GGACT: variants seen among roughly 807,000 people sequenced by gnomAD.
GGACT encodes the protein gamma-glutamylamine cyclotransferase.
For missense variants in GGACT, 241 were observed against 233.2 expected (o/e 1.03, Z -0.22); for synonymous variants, 118 against 115.3 (o/e 1.02, Z -0.15).
At chr13:100,548,031 C>T (rs900388760) in intron 2 of GGACT, among the ~76,000 whole-genome samples, 3 of 152,228 alleles carry the variant, frequency 2.0e-5, no homozygotes, top group African/African-American at 7.2e-5. Context: ...CCGGGAAAAG[C>T]CAAGAATCTG....
intron 2 of GGACT, chr13:100,541,604 T>G (rs769762845): frequency 1.3e-5 from 2 of 152,182 alleles, no homozygotes; most frequent in Non-Finnish European, 2.9e-5. Context: ...GAACACATTA[T>G]AAGTGGGAGA....
intron 2 of GGACT, chr13:100,537,581 A>G (rs1180508133): frequency 6.6e-6 from 1 of 152,320 alleles, no homozygotes; most frequent in African/African-American, 2.4e-5. Flanking sequence ...TGGGCATGCA[A>G]TGAGACTCCA....
At chr13:100,543,197 CTTTTTTTT>C (rs147710327) in intron 2 of GGACT, among the ~76,000 whole-genome samples, 1,251 of 69,830 alleles carry the variant, frequency 0.018, 12 homozygotes, top group African/African-American at 0.055. Context: ...AAGACACCAG[CTTTTTTTT>C]TTTTTTTTTT....
At chr13:100,570,173 A>G (rs1166166751) in intron 2 of GGACT, among the ~76,000 whole-genome samples, 1 of 152,046 alleles carries the variant, frequency 6.6e-6, no homozygotes, top group Non-Finnish European at 1.5e-5. Context: ...AGTGGTTTCC[A>G]CATTTTTGGG....
intron 2 of GGACT, among the ~76,000 whole-genome samples, chr13:100,564,938 A>G (rs866273091): frequency 1.3e-5 from 2 of 152,214 alleles, no homozygotes; most frequent in Non-Finnish European, 2.9e-5. Context: ...CCAGACCGCT[A>G]CTATTCCCAG....
rs77789514 is a variant in GGACT at position 100,552,258 on chromosome 13, C to T, written c.-10-19657G>A. On this transcript the variant is annotated intron_variant, in intron 2 of 2. Coordinates refer to ENST00000683975, the MANE Select transcript of GGACT (RefSeq NM_001195087.2). ...AGGAATTCACAAACTGGGCCTCCAA[C>T]AGCCCCGTGACGAGGCAGGTGTTAC... Among the ~76,000 whole-genome samples the T allele has an allele frequency of 1.9e-4, 29 of 152,340 alleles. 1 individual carries two copies. In the East Asian group the frequency reaches 5.6e-3, roughly 29 times the overall value.
chr13:100,587,445 G>T (rs894417915), intron 1 of GGACT, among the ~76,000 whole-genome samples: 5 of 152,148 alleles, frequency 3.3e-5, no homozygotes, highest in African/African-American at 1.2e-4. Context: ...TTTACAATAC[G>T]AATCTCTGCT....
intron 2 of GGACT, among the ~76,000 whole-genome samples, chr13:100,560,741 T>A (rs1389622893): frequency 2.0e-5 from 3 of 152,244 alleles, no homozygotes; most frequent in African/African-American, 7.2e-5. Flanking sequence ...TTCCATTCCC[T>A]CACATAATCT....
rs1350739004 is a variant in GGACT at position 100,546,000 on chromosome 13, C to A, written c.-10-13399G>T. On this transcript the variant is annotated intron_variant, in intron 2 of 2. Coordinates refer to ENST00000683975, the MANE Select transcript of GGACT (RefSeq NM_001195087.2). This position sits in a 1 kb window ranked among gnomAD's most constrained non-coding sequence, Gnocchi z 4.4. ...TTCCTCCATCATCAGTAGGTGAAGG[C>A]AGACAGTGTTGATAGAATATGTGCA... 6.6e-6 allele frequency among the ~76,000 whole-genome samples: 1 copy of A among 152,204 alleles called. No homozygotes were observed. The highest frequency in any genetic ancestry group is 2.1e-4 in the South Asian group (1 of 4,830).
intron 2 of GGACT, among the ~76,000 whole-genome samples, chr13:100,577,824 T>C (rs1875297475): frequency 6.7e-6 from 1 of 149,404 alleles, no homozygotes; most frequent in Admixed American, 6.7e-5. Flanking sequence ...TAGGGAGGGA[T>C]GAAGGGGAGA....
At position 100,577,416 on chromosome 13, in the gene GGACT, C is replaced by CAAAAAA. The variant is rs1246035632; in HGVS notation, c.-11+6408_-11+6409insTTTTTT. On this transcript the variant is annotated intron_variant, in intron 2 of 2. Coordinates refer to ENST00000683975, the MANE Select transcript of GGACT (RefSeq NM_001195087.2). ...GGGTGACAAGAGCGAGACTCCATCT[C>CAAAAAA]AAAAATAAATAAATAAATAAATAAA... Among the ~76,000 whole-genome samples the CAAAAAA allele has an allele frequency of 5.8e-3, 174 of 30,144 alleles. 2 individuals are homozygous for CAAAAAA. Among genetic ancestry groups the CAAAAAA allele is most frequent in the African/African-American group, 0.01 (163 of 16,280 alleles). The allele number at this position is 30,144 out of a possible 152,430, so 19.8% of individuals were successfully genotyped here.
intron 2 of GGACT, among the ~76,000 whole-genome samples, chr13:100,549,266 G>A (rs531487278): frequency 6.6e-6 from 1 of 152,328 alleles, no homozygotes; most frequent in Admixed American, 6.5e-5. Context: ...TTGAACCTGG[G>A]AGGCGGAGGT....
intron 2 of GGACT, among the ~76,000 whole-genome samples, chr13:100,551,514 T>C (rs1165846303): frequency 6.6e-6 from 1 of 152,190 alleles, no homozygotes; most frequent in Non-Finnish European, 1.5e-5. Context: ...AAAAAGGGAT[T>C]TCTCCTGGGG....
intron 2 of GGACT, among the ~76,000 whole-genome samples, chr13:100,551,885 AGAG>A (rs2088667887): frequency 6.6e-6 from 1 of 152,244 alleles, no homozygotes; most frequent in Admixed American, 6.5e-5. Context: ...TCTGTCTCTC[AGAG>A]GGGGCAAGAC....
chr13:100,568,783 C>A (rs1196434149), intron 2 of GGACT, among the ~76,000 whole-genome samples: 2 of 152,188 alleles, frequency 1.3e-5, no homozygotes, highest in Non-Finnish European at 2.9e-5. Flanking sequence ...TGCCCATGAG[C>A]CCACAAAATC....
chr13:100,574,831 C>T (rs1011530309), intron 2 of GGACT, among the ~76,000 whole-genome samples: 1 of 152,062 alleles, frequency 6.6e-6, no homozygotes. Context: ...AACAGAACTG[C>T]TTCCTCCAGA....
intron 1 of GGACT, among the ~76,000 whole-genome samples, chr13:100,584,806 T>C (rs1875516945): frequency 6.6e-6 from 1 of 152,058 alleles, no homozygotes. Context: ...AAAGAACTAT[T>C]TGAGAAATAA....
intron 2 of GGACT, chr13:100,539,642 A>C: frequency 2.1e-6 from 1 of 486,952 alleles, no homozygotes; most frequent in Non-Finnish European, 3.6e-6. Context: ...GATCTTCATC[A>C]AGAATATTAG....
At chr13:100,565,525 A>G (rs9518089) in intron 2 of GGACT, among the ~76,000 whole-genome samples, 147,396 of 152,288 alleles carry the variant, frequency 0.97, 71,421 homozygotes, top group Non-Finnish European at 0.99. Flanking sequence ...TCACAGCAAA[A>G]GGATTCTGCA....
Sources: gnomAD v4.1 joint callset for allele counts (sites outside exome capture counted in the v4.1 genomes callset) on GRCh38, gnomAD v4.1.1 for gene constraint, Gnocchi (gnomAD v3.1) non-coding constraint, MANE v1.5 for transcripts, NCBI Gene and HGNC (gene_info 2026-07-23, HGNC 2026-07-21) for gene names.